The following PAMR1 variants were observed in gnomAD, a reference collection of about 807,000 sequenced individuals.
The protein encoded by PAMR1 is peptidase domain containing associated with muscle regeneration 1.
A neutral mutation model predicts 81.8 loss-of-function variants in PAMR1; 88 were observed. The observed-to-expected ratio is 1.08, with a 90% CI of 0.91 to 1.28. The LOEUF is 1.28. PAMR1 is among the 50% of genes most tolerant of loss of function. The pLI, the probability that PAMR1 is intolerant of heterozygous loss-of-function variation, is 0.00. For synonymous variants in PAMR1, 336 were observed against 345.3 expected, an observed-to-expected ratio of 0.97 and a Z score of 0.30; for missense variants, 935 against 919.7, an observed-to-expected ratio of 1.02 and a Z score of -0.21.
At chr11:35,507,065 T>G (rs1850976690) in intron 1 of PAMR1, among the ~76,000 whole-genome samples, 1 of 90,748 alleles carries the variant, frequency 1.1e-5, no homozygotes, top group African/African-American at 4.4e-5. Context: ...TTTTTTTTTT[T>G]GACAGAGTTT....
At chr11:35,502,360 C>T (rs954582593) in intron 1 of PAMR1, among the ~76,000 whole-genome samples, 13 of 152,122 alleles carry the variant, frequency 8.5e-5, no homozygotes, top group African/African-American at 2.4e-4. Flanking sequence ...ATCCATCACC[C>T]AGGTATTAAG....
upstream of PAMR1, among the ~76,000 whole-genome samples, chr11:35,527,812 A>G (rs568275738): frequency 5.9e-5 from 9 of 152,228 alleles, no homozygotes; most frequent in South Asian, 1.9e-3. Flanking sequence ...CTTCATCAAT[A>G]GTCCAGGGTG....
chr11:35,507,857 G>A (rs1416425257), intron 1 of PAMR1, among the ~76,000 whole-genome samples: 2 of 148,518 alleles, frequency 1.3e-5, no homozygotes, highest in African/African-American at 5.0e-5. Flanking sequence ...GGTGTCTTAA[G>A]CCCAGATTTG....
At position 35,494,266 on chromosome 11, in the gene PAMR1, G is replaced by C. The variant is rs1417994958; in HGVS notation, c.80C>G (p.Thr27Arg). Residue 27 changes from threonine (T) to arginine (R), a missense_variant, in exon 2 of 11, where the codon ACA becomes AGA. Physicochemically the swap from Thr to Arg is moderately conservative, Grantham distance 71. Coordinates refer to ENST00000619888, the MANE Select transcript of PAMR1 (RefSeq NM_001001991.3). Reference protein sequence around the residue: ...LLISSLPREYTVINEACPGAE... With the variant: ...LLISSLPREYRVINEACPGAE... ...TCCAGGGCAGGCTTCATTAATGACT[G>C]TGTACTCTGAAATGGAAAACCAGCA... 1.9e-6 allele frequency: 3 copies of C among 1,613,598 alleles called. No individual in the cohort carries two copies.
Position 35,494,119 on chromosome 11 carries a change from C to T in PAMR1, c.227G>A (p.Cys76Tyr). ...ACCTGGGTGGATCAGGCAGGAGTCACACTCATTCTCCTCATTCCTGCAGCA... is the reference window on the plus strand; with the variant it reads ...ACCTGGGTGGATCAGGCAGGAGTCATACTCATTCTCCTCATTCCTGCAGCA... ...IPCCRNEENE[C>Y]DSCLIHPGCT... The change falls in exon 2 of 11, where the codon TGT becomes TAT. Residue 76 changes from cysteine (C) to tyrosine (Y), a missense_variant. Physicochemically the swap from Cys to Tyr is radical, Grantham distance 194 (BLOSUM62 -2). Transcript: ENST00000619888. 6.2e-7 allele frequency: 1 copy of T among 1,614,122 alleles called. No individual in the cohort carries two copies. The highest frequency in any genetic ancestry group is 8.5e-7 in the Non-Finnish European group (1 of 1,179,962).
chr11:35,526,819 T>C (rs1227358619), upstream of PAMR1, among the ~76,000 whole-genome samples: 1 of 152,180 alleles, frequency 6.6e-6, no homozygotes, highest in Non-Finnish European at 1.5e-5. Context: ...AAACCCCACG[T>C]GTCATGGGAG....
At chr11:35,519,969 C>A (rs1360141342) in intron 1 of PAMR1, among the ~76,000 whole-genome samples, 3 of 152,124 alleles carry the variant, frequency 2.0e-5, no homozygotes, top group Admixed American at 6.5e-5. Flanking sequence ...TGCCTAAGCT[C>A]TTTTGTGTAT....
At chr11:35,456,929 A>T (rs559980625) in intron 6 of PAMR1, among the ~76,000 whole-genome samples, 5 of 152,270 alleles carry the variant, frequency 3.3e-5, no homozygotes, top group Non-Finnish European at 4.4e-5. Context: ...ACTTTTTTTT[A>T]AAATCAGCAA....
chr11:35,468,001 G>T lies in PAMR1; in HGVS notation c.820C>A (p.Leu274Ile), dbSNP rs560754136. 2.2e-4 allele frequency: 347 copies of T among 1,548,090 alleles called. 2 individuals are homozygous for T. In the South Asian group the frequency reaches 3.9e-3, roughly 18 times the overall value. Residue 274 changes from leucine to isoleucine, a missense_variant and splice_region_variant, in exon 6 of 11, where the codon CTC becomes ATC. By Grantham distance (5) the Leu-to-Ile change is conservative. Coordinates refer to ENST00000619888, the MANE Select transcript of PAMR1 (RefSeq NM_001001991.3). ...ACTCCCACTTAGGAAGCATACTCAC[G>T]ATTTTCACAGCGCTGCCCAGTATAG... ...AGYTGQRCENLLEERNCSDPG... is the reference protein window; with the variant it reads ...AGYTGQRCENILEERNCSDPG...
At chr11:35,441,783 A>G (rs1044237725) in intron 6 of PAMR1, 90 bp from the exon 7 acceptor site, 4 of 804,758 alleles carry the variant, frequency 5.0e-6, no homozygotes, top group Non-Finnish European at 7.8e-6. Context: ...TGAACTAAAA[A>G]TACAATGATA....
intron 6 of PAMR1, among the ~76,000 whole-genome samples, chr11:35,463,230 A>T (rs1856694289): frequency 6.6e-6 from 1 of 152,136 alleles, no homozygotes; most frequent in Non-Finnish European, 1.5e-5. Flanking sequence ...TTTTCTTCCC[A>T]GGCCTTGGGA....
At chr11:35,494,069 A>G (rs770100420) in intron 2 of PAMR1, 27 bp downstream of exon 2, 2 of 1,599,546 alleles carry the variant, frequency 1.3e-6, no homozygotes, top group African/African-American at 1.3e-5. Context: ...CATGAAGGCA[A>G]CCTGAAGTCT....
chr11:35,478,798 G>A (rs936535179), intron 3 of PAMR1, among the ~76,000 whole-genome samples: 2 of 152,118 alleles, frequency 1.3e-5, no homozygotes, highest in Non-Finnish European at 2.9e-5. Context: ...CCTTAACAAT[G>A]TCTTACTGCA....
At chr11:35,481,744 A>G (rs1850397649) in intron 3 of PAMR1, among the ~76,000 whole-genome samples, 1 of 152,026 alleles carries the variant, frequency 6.6e-6, no homozygotes. Context: ...GCTGGTGACA[A>G]ACTCCTGATC....
At chr11:35,528,800 C>T (rs1388829636), upstream of PAMR1, among the ~76,000 whole-genome samples, 1 of 152,116 alleles carries the variant, frequency 6.6e-6, no homozygotes, top group Non-Finnish European at 1.5e-5. Context: ...TCTGGAATCC[C>T]CTTCAAGAGT....
In PAMR1 at chr11:35,437,888, C is replaced by T. The variant is rs549270550; in HGVS notation, c.1100+1739G>A. ...GGCAGAATTTGAATTTCACTGCCAC[C>T]GTTTCCAAGGAAATGCCTTGCCCCT... is the stretch of plus-strand genomic sequence containing the variant. On this transcript the variant is annotated intron_variant, in intron 8 of 10. Coordinates refer to ENST00000619888, the MANE Select transcript of PAMR1 (RefSeq NM_001001991.3). 1.9e-3 allele frequency among the ~76,000 whole-genome samples: 293 copies of T among 152,242 alleles called. 1 individual carries two copies. The highest frequency in any genetic ancestry group is 0.014 in the South Asian group (66 of 4,808).
At chr11:35,506,443 T>C (rs925520778) in intron 1 of PAMR1, among the ~76,000 whole-genome samples, 2 of 151,514 alleles carry the variant, frequency 1.3e-5, no homozygotes, top group Non-Finnish European at 2.9e-5. Context: ...TGTTTTTTTT[T>C]TTCAGATTAA....
chr11:35,480,231 C>T (rs527795700), intron 3 of PAMR1, among the ~76,000 whole-genome samples: 6 of 152,314 alleles, frequency 3.9e-5, no homozygotes, highest in African/African-American at 7.2e-5. Context: ...AAGCCCCTCC[C>T]CACCACCCCA....
chr11:35,509,741 G>A (rs1417623893), intron 1 of PAMR1, among the ~76,000 whole-genome samples: 1 of 152,136 alleles, frequency 6.6e-6, no homozygotes, highest in African/African-American at 2.4e-5. Flanking sequence ...AATTAATTCT[G>A]GGAGAAAAGA....
Sources: allele counts gnomAD v4.1 joint callset (sites outside exome capture counted in the v4.1 genomes callset), GRCh38; gene constraint gnomAD v4.1.1; transcripts MANE v1.5; gene names NCBI Gene and HGNC (gene_info 2026-07-23, HGNC 2026-07-21).